PSTPIP2: variants seen among roughly 807,000 people sequenced by gnomAD.
PSTPIP2 encodes the protein proline-serine-threonine phosphatase-interacting protein 2.
A neutral mutation model predicts 63.3 loss-of-function variants in PSTPIP2; 33 were observed. The observed-to-expected ratio is 0.52, with a 90% CI of 0.40 to 0.70. The LOEUF (loss-of-function observed/expected upper bound fraction) is 0.70, where lower values mean the gene tolerates loss of function less well. Among genes scored for constraint, PSTPIP2 ranks in the 30% least tolerant of loss-of-function variants. The pLI is 0.00. For missense variants in PSTPIP2, 312 were observed against 400.7 expected, an observed-to-expected ratio of 0.78 and a Z score of 1.89; for synonymous variants, 125 against 132.7, an observed-to-expected ratio of 0.94 and a Z score of 0.40.
chr18:46,040,027 G>C lies in PSTPIP2; in HGVS notation c.54C>G (p.Thr18=). The C allele has an allele frequency of 6.2e-7, 1 of 1,610,762 alleles. No individual in the cohort carries two copies. Among genetic ancestry groups the C allele is most frequent in the Non-Finnish European group, 8.5e-7 (1 of 1,178,174 alleles). Residue 18 remains threonine (T), a synonymous_variant, in exon 2 of 15, where the codon ACC becomes ACG. Coordinates refer to ENST00000409746, the MANE Select transcript of PSTPIP2 (RefSeq NM_024430.4). ...GTTGGATAATGTTGTCATAGCCGAT[G>C]GTGCTGAGGATGTCTGCACTCTGGG... ...GNFWSADILS[T]IGYDNIIQHL...
At chr18:46,002,897 A>G (rs1005158376) in intron 6 of PSTPIP2, among the ~76,000 whole-genome samples, 2 of 152,206 alleles carry the variant, frequency 1.3e-5, no homozygotes, top group African/African-American at 4.8e-5. Flanking sequence ...CTTGGCAGCT[A>G]TTGATTGTCT....
intron 3 of PSTPIP2, among the ~76,000 whole-genome samples, chr18:46,021,848 CAAAAAAAAAAAAA>C (rs59094808): frequency 2.1e-4 from 7 of 33,312 alleles, no homozygotes; most frequent in Non-Finnish European, 3.3e-4. Context: ...GACTCTGTCT[CAAAAAAAAAAAAA>C]AAAAAAAAAA....
chr18:46,071,664 C>T (rs1199159728), intron 1 of PSTPIP2, among the ~76,000 whole-genome samples: 2 of 152,200 alleles, frequency 1.3e-5, no homozygotes, highest in Admixed American at 1.3e-4. Context: ...GCAGCTGCTG[C>T]TGTCAACCCG....
chr18:46,025,975 G>A (rs61423911), intron 2 of PSTPIP2, among the ~76,000 whole-genome samples: 31,651 of 152,108 alleles, frequency 0.21, 4,121 homozygotes, highest in East Asian at 0.41. Context: ...GGCTGGTCTC[G>A]AACTCCTCAC....
rs193018188 is a variant in PSTPIP2, at chr18:46,017,816, A to G, written c.213-1879T>C. Among the ~76,000 whole-genome samples the G allele has an allele frequency of 2.1e-3, 324 of 152,276 alleles. 3 individuals carry two copies. Among genetic ancestry groups the G allele is most frequent in the Middle Eastern group, 0.01 (3 of 294 alleles). On this transcript the variant is annotated intron_variant, in intron 3 of 14. Transcript: ENST00000409746. ...TTAGTGGTTTTCAAGAATATAATACATTATTATTACAGTCATTGTGTTGTA... is the reference window on the plus strand; with the variant it reads ...TTAGTGGTTTTCAAGAATATAATACGTTATTATTACAGTCATTGTGTTGTA...
chr18:45,988,481 G>A (rs1385245430), intron 14 of PSTPIP2, among the ~76,000 whole-genome samples: 1 of 150,360 alleles, frequency 6.7e-6, no homozygotes. Context: ...ATCAATGAAG[G>A]AAAAATAACC....
chr18:46,018,919 G>C (rs150020448), intron 3 of PSTPIP2, among the ~76,000 whole-genome samples: 357 of 152,160 alleles, frequency 2.3e-3, no homozygotes, highest in Middle Eastern at 6.8e-3. Context: ...CAATGGGAGG[G>C]CTTTCCCAAT....
intron 1 of PSTPIP2, among the ~76,000 whole-genome samples, chr18:46,058,710 A>G (rs1216962684): frequency 6.6e-6 from 1 of 152,216 alleles, no homozygotes; most frequent in East Asian, 1.9e-4. Flanking sequence ...TAAATAGCTC[A>G]TGGAATCCAT....
chr18:46,041,172 A>C (rs1908179527), intron 1 of PSTPIP2: 1 of 414,484 alleles, frequency 2.4e-6, no homozygotes, highest in African/African-American at 2.1e-5. Context: ...CTGTCTGTCC[A>C]CTGGGAAGCA....
rs186257562 is a variant in PSTPIP2 at position 46,057,927 on chromosome 18, G to T, written c.33+14229C>A. On this transcript the variant is annotated intron_variant, in intron 1 of 14. Transcript: ENST00000409746. ...GCAGGAGAATGGCGTGAACCCGGGA[G>T]GCGGAGCTTGCAGTGAGCGGAGATC... Among the ~76,000 whole-genome samples, 492 of 151,282 alleles carry T rather than the reference G, an allele frequency of 3.3e-3. 4 individuals carry two copies. Among genetic ancestry groups the T allele is most frequent in the African/African-American group, 0.011 (469 of 41,212 alleles).
In PSTPIP2 at chr18:45,990,725, G is replaced by C. The variant is rs1167702304; in HGVS notation, c.952C>G (p.Pro318Ala). The C allele has an allele frequency of 1.2e-6, 2 of 1,605,918 alleles. No homozygotes were observed. Among genetic ancestry groups the C allele is most frequent in the African/African-American group, 2.7e-5 (2 of 74,630 alleles). ...RGPLPIPKSS[P>A]DDPNYSLVDD... ...AAGACCTTTTTTAGTGGCATACCTG[G>C]TGAGCTTTTAGGAATTGGGAGGGGT... The change falls in exon 13 of 15, where the codon CCA becomes GCA. Residue 318 changes from proline to alanine, a missense_variant. Coordinates refer to ENST00000409746, the MANE Select transcript of PSTPIP2 (RefSeq NM_024430.4).
At chr18:45,990,175 T>TA (rs796439167) in intron 13 of PSTPIP2, among the ~76,000 whole-genome samples, 16 of 152,228 alleles carry the variant, frequency 1.1e-4, no homozygotes, top group African/African-American at 3.9e-4. Context: ...ATCTTTTAGG[T>TA]AAAATCTGCT....
intron 2 of PSTPIP2, 30 bp from the exon 3 acceptor site, chr18:46,024,716 C>T: frequency 6.4e-7 from 1 of 1,565,850 alleles, no homozygotes; most frequent in South Asian, 1.1e-5. Context: ...GGTTATGGGT[C>T]CTTCTCAGAG....
At position 45,985,431 on chromosome 18, in the gene PSTPIP2, G is replaced by A; in HGVS notation, c.*28C>T. 10 of 1,613,488 alleles carry A rather than the reference G, an allele frequency of 6.2e-6. No individual in the cohort carries two copies. Among genetic ancestry groups the A allele is most frequent in the Non-Finnish European group, 8.5e-6 (10 of 1,179,802 alleles). Reference sequence around the variant, plus strand: ...CCCTTTCCATATCACAGAAGCACTAGCCGGAAAAAGCTCTGGTTTCTGAAA... The same window carrying A: ...CCCTTTCCATATCACAGAAGCACTAACCGGAAAAAGCTCTGGTTTCTGAAA... On this transcript the variant is annotated 3_prime_UTR_variant, in exon 15 of 15. Transcript: ENST00000409746.
At position 46,055,868 on chromosome 18, in the gene PSTPIP2, C is replaced by G. The variant is rs113274288; in HGVS notation, c.34-15821G>C. Among the ~76,000 whole-genome samples the G allele has an allele frequency of 5.7e-3, 869 of 152,254 alleles. 16 individuals are homozygous for G. Among genetic ancestry groups the G allele is most frequent in the Admixed American group, 0.032 (489 of 15,286 alleles). On this transcript the variant is annotated intron_variant, in intron 1 of 14. Coordinates refer to ENST00000409746, the MANE Select transcript of PSTPIP2 (RefSeq NM_024430.4). ...AATTTACTTTTAGACTCTCATTTGT[C>G]TACTGGAAAAATCACTTTTAAAAGA...
intron 1 of PSTPIP2, among the ~76,000 whole-genome samples, chr18:46,057,880 C>T (rs532741953): frequency 4.3e-4 from 66 of 151,736 alleles, no homozygotes; most frequent in Admixed American, 1.3e-3. Flanking sequence ...CGCCTGTAGT[C>T]CCAGCTACTC....
At position 46,040,004 on chromosome 18, in the gene PSTPIP2, T is replaced by C; in HGVS notation, c.77A>G (p.Gln26Arg). The C allele has an allele frequency of 1.9e-6, 3 of 1,613,494 alleles. No homozygotes were observed. Among genetic ancestry groups the C allele is most frequent in the Non-Finnish European group, 2.5e-6 (3 of 1,179,684 alleles). The stretch of plus-strand genomic sequence containing the variant: ...GTTCTTGCGGCCATTGTTCAGATGT[T>C]GGATAATGTTGTCATAGCCGATGGT... ...LSTIGYDNIIQHLNNGRKNCK... is the reference protein window; with the variant it reads ...LSTIGYDNIIRHLNNGRKNCK... The change falls in exon 2 of 15, where the codon CAA becomes CGA. Residue 26 changes from glutamine to arginine, a missense_variant. Physicochemically the swap from Gln to Arg is conservative, Grantham distance 43 (BLOSUM62 1). Coordinates refer to ENST00000409746, the MANE Select transcript of PSTPIP2 (RefSeq NM_024430.4).
At chr18:46,010,218 A>G (rs2051780645) in intron 5 of PSTPIP2, among the ~76,000 whole-genome samples, 1 of 152,248 alleles carries the variant, frequency 6.6e-6, no homozygotes, top group Non-Finnish European at 1.5e-5. Flanking sequence ...AGGTCAAGGT[A>G]GAATCAGCCT....
intron 11 of PSTPIP2, 49 bp from the exon 12 acceptor site, chr18:45,992,032 T>G: frequency 6.3e-7 from 1 of 1,594,604 alleles, no homozygotes; most frequent in South Asian, 1.1e-5. Flanking sequence ...GCGTCTTTCA[T>G]CCTTAATGAC....
Sources: gnomAD v4.1 joint callset for allele counts (sites outside exome capture counted in the v4.1 genomes callset) on GRCh38, gnomAD v4.1.1 for gene constraint, MANE v1.5 for transcripts, NCBI Gene and HGNC (gene_info 2026-07-23, HGNC 2026-07-21) for gene names.